The following NCAPD3 variants were observed in gnomAD, a reference collection of about 807,000 sequenced individuals.
NCAPD3 encodes non-SMC condensin II complex subunit D3, also known as condensin-2 complex subunit D3.
A neutral mutation model predicts 182.9 loss-of-function variants in NCAPD3; 105 were observed. The ratio of observed to expected loss-of-function variants is 0.57; its 90% CI spans 0.49 to 0.68. The LOEUF is 0.68. NCAPD3 is among the 30% of genes least tolerant of loss of function. The probability of loss-of-function intolerance (pLI) is 0.00; values close to 1 mark genes in which losing one functional copy is unlikely to be tolerated. For missense variants in NCAPD3, 1,944 were observed against 1,837.0 expected (o/e 1.06, Z -1.07); for synonymous variants, 815 against 679.9 (o/e 1.20, Z -3.09).
At chr11:134,185,150 G>T (rs557587542) in intron 17 of NCAPD3, 150 bp from the exon 18 acceptor site, 3 of 878,150 alleles carry the variant, frequency 3.4e-6, no homozygotes, top group Admixed American at 4.7e-5. Context: ...GGCATTTAAT[G>T]TACTTGGACA....
upstream of NCAPD3, chr11:134,224,137 C>G: frequency 1.6e-6 from 1 of 618,348 alleles, no homozygotes; most frequent in Non-Finnish European, 2.9e-6. Context: ...GGAAGCCAAA[C>G]AAGGCTCCTG....
chr11:134,184,501 G>T (rs1944356888), intron 19 of NCAPD3, 136 bp downstream of exon 19: 1 of 610,650 alleles, frequency 1.6e-6, no homozygotes, highest in East Asian at 2.9e-5. Flanking sequence ...ACCTTGCCTT[G>T]TTGCGGCAAT....
chr11:134,219,086 T>A (rs902105286), intron 2 of NCAPD3, among the ~76,000 whole-genome samples: 1 of 152,204 alleles, frequency 6.6e-6, no homozygotes, highest in Admixed American at 6.5e-5. Flanking sequence ...ACCCTTACTC[T>A]ACCTTACCAT....
At chr11:134,207,386 G>C (rs1484943191) in intron 7 of NCAPD3, among the ~76,000 whole-genome samples, 2 of 151,884 alleles carry the variant, frequency 1.3e-5, no homozygotes, top group Admixed American at 1.3e-4. Flanking sequence ...AGCTGTCCAA[G>C]ATCAAATAAT....
chr11:134,188,024 A>G (rs1193620336), intron 16 of NCAPD3, among the ~76,000 whole-genome samples: 1 of 152,196 alleles, frequency 6.6e-6, no homozygotes, highest in Non-Finnish European at 1.5e-5. Context: ...CCCTAACCCA[A>G]GCTCAAGGTG....
intron 13 of NCAPD3, among the ~76,000 whole-genome samples, chr11:134,199,073 GA>G (rs1226038128): frequency 6.6e-6 from 1 of 151,848 alleles, no homozygotes; most frequent in Non-Finnish European, 1.5e-5. Flanking sequence ...TTTTCTTGCA[GA>G]AATTGGCAAT....
chr11:134,176,838 G>A (rs1238626503), intron 23 of NCAPD3, among the ~76,000 whole-genome samples: 1 of 152,184 alleles, frequency 6.6e-6, no homozygotes, highest in South Asian at 2.1e-4. Context: ...AGCCCAGCGC[G>A]AACACCATGA....
At chr11:134,163,227 T>C (rs568554700) in intron 27 of NCAPD3, among the ~76,000 whole-genome samples, 1 of 152,280 alleles carries the variant, frequency 6.6e-6, no homozygotes, top group Non-Finnish European at 1.5e-5. Flanking sequence ...GTATAACATA[T>C]GTAATAAATT....
At chr11:134,174,417 A>C (rs1944107968) in intron 24 of NCAPD3, among the ~76,000 whole-genome samples, 1 of 151,386 alleles carries the variant, frequency 6.6e-6, no homozygotes, top group Non-Finnish European at 1.5e-5. Context: ...GCAAACAAAA[A>C]AAACAGTATC....
rs771571458 is a variant in NCAPD3, at chr11:134,204,964, C to T, written c.1024G>A (p.Val342Met). 5.0e-6 allele frequency: 8 copies of T among 1,613,316 alleles called. No individual in the cohort carries two copies. Among genetic ancestry groups the T allele is most frequent in the Non-Finnish European group, 5.9e-6 (7 of 1,179,448 alleles). Residue 342 changes from valine (V) to methionine (M), a missense_variant, in exon 9 of 35, where the codon GTG becomes ATG. This residue lies in a region of NCAPD3 where 1,803 missense variants were observed against 1,674.6 expected (regional missense o/e 1.08). Coordinates refer to ENST00000534548, the MANE Select transcript of NCAPD3 (RefSeq NM_015261.3). The surrounding 1 kb of genome is among the most constrained non-coding windows in gnomAD (Gnocchi z 4.3). ...AATATACTCTCCTTTAATTCATCCACAAGGGCGCTTTGTAAAAGAAAAACA... is the reference window on the plus strand; with the variant it reads ...AATATACTCTCCTTTAATTCATCCATAAGGGCGCTTTGTAAAAGAAAAACA... ...NQAVQFISAL[V>M]DELKESIFPV...
intron 14 of NCAPD3, among the ~76,000 whole-genome samples, chr11:134,194,407 G>C (rs1944584790): frequency 6.6e-6 from 1 of 151,974 alleles, no homozygotes; most frequent in South Asian, 2.1e-4. Context: ...ATGGTCCCTA[G>C]GTTAAGAATC....
At chr11:134,170,702 G>A (rs928048699) in intron 24 of NCAPD3, among the ~76,000 whole-genome samples, 1 of 152,234 alleles carries the variant, frequency 6.6e-6, no homozygotes, top group Non-Finnish European at 1.5e-5. Flanking sequence ...ACAAGATACT[G>A]CGGAGTTTAA....
rs765666916 is a variant in NCAPD3, at chr11:134,204,171, C to G, written c.1090G>C (p.Val364Leu). The G allele has an allele frequency of 1.2e-6, 2 of 1,611,934 alleles. No individual in the cohort carries two copies. The highest frequency in any genetic ancestry group is 8.5e-7 in the Non-Finnish European group (1 of 1,179,406). Residue 364 changes from valine to leucine, a missense_variant and splice_region_variant, in exon 10 of 35, where the codon GTG becomes CTG. This residue lies in a region of NCAPD3 where 1,803 missense variants were observed against 1,674.6 expected (regional missense o/e 1.08). Coordinates refer to ENST00000534548, the MANE Select transcript of NCAPD3 (RefSeq NM_015261.3). This position sits in a 1 kb window ranked among gnomAD's most constrained non-coding sequence, Gnocchi z 4.3. ...GTACGATACTCTGATTTATCTACCA[C>G]CTGAAAAGCAAAAAGAGAAGTTGAC... Reference protein sequence around the residue: ...RILLQHICAKVVDKSEYRTFA... With the variant: ...RILLQHICAKLVDKSEYRTFA...
chr11:134,210,201 TAAA>T (rs1317195994), intron 4 of NCAPD3, 66 bp downstream of exon 4: 1 of 1,388,886 alleles, frequency 7.2e-7, no homozygotes, highest in Non-Finnish European at 9.9e-7. Flanking sequence ...ATGTTTAGTA[TAAA>T]GTCAATCCTT....
In NCAPD3 at chr11:134,178,665, A is replaced by C; in HGVS notation, c.2751T>G (p.Ser917=). The change falls in exon 22 of 35, where the codon TCT becomes TCG. Residue 917 remains serine, a synonymous_variant. Transcript: ENST00000534548. ...TAATGATGGCATGTGCTCTAATCAC[A>C]GAGGGCATGACAGAACCTCTGACCT... The part of the protein sequence containing the change: ...PPQVRGSVMP[S]VIRAHAIITL... 3.8e-6 allele frequency: 6 copies of C among 1,583,738 alleles called. No homozygotes were observed. The highest frequency in any genetic ancestry group is 5.2e-6 in the Non-Finnish European group (6 of 1,163,624).
At chr11:134,201,493 A>G (rs1265772074) in intron 13 of NCAPD3, among the ~76,000 whole-genome samples, 3 of 152,178 alleles carry the variant, frequency 2.0e-5, no homozygotes, top group African/African-American at 7.2e-5. Context: ...TACATTATAC[A>G]CTTTCCATGG....
intron 1 of NCAPD3, among the ~76,000 whole-genome samples, chr11:134,222,404 CA>C (rs1176960777): frequency 1.3e-5 from 2 of 151,972 alleles, no homozygotes; most frequent in East Asian, 3.9e-4. Context: ...CTTAGGATAC[CA>C]AAAAAAGCAG....
Position 134,203,525 on chromosome 11 carries a change from A to G in NCAPD3, c.1468+129T>C, listed in dbSNP as rs1051783269. ...TATTTGGCAAGAAAATATACTAAAA[A>G]TGGTTTTGAGAGTAAAAATAGATCA... On this transcript the variant is annotated intron_variant, in intron 11 of 34. Transcript: ENST00000534548. 2.2e-5 allele frequency: 27 copies of G among 1,237,116 alleles called. No individual in the cohort carries two copies. In the African/African-American group the frequency reaches 4.1e-4, roughly 19 times the overall value. The allele number at this position is 1,237,116 out of a possible 1,614,324, so 76.6% of individuals were successfully genotyped here.
chr11:134,189,043 G>T (rs1944470910), intron 16 of NCAPD3, among the ~76,000 whole-genome samples: 1 of 151,986 alleles, frequency 6.6e-6, no homozygotes, highest in Admixed American at 6.5e-5. Context: ...TGGTGGCCCT[G>T]GCAAATTAAT....
Sources: gnomAD v4.1 joint callset for allele counts (sites outside exome capture counted in the v4.1 genomes callset) on GRCh38, gnomAD v4.1.1 for gene constraint, gnomAD v4.1.1 regional missense constraint, Gnocchi (gnomAD v3.1) non-coding constraint, MANE v1.5 for transcripts, NCBI Gene and HGNC (gene_info 2026-07-23, HGNC 2026-07-21) for gene names.